The following MMS22L variants were observed in gnomAD, a reference collection of about 807,000 sequenced individuals.
MMS22L encodes protein MMS22-like.
In MMS22L, 74 loss-of-function variants were observed where a neutral mutation model predicts 159.1. The ratio of observed to expected loss-of-function variants is 0.47; its 90% CI spans 0.39 to 0.56. The LOEUF is 0.56. MMS22L is among the 20% of genes least tolerant of loss of function. The pLI is 0.00. For synonymous variants in MMS22L, 517 were observed against 506.9 expected (o/e 1.02, Z -0.27); for missense variants, 1,351 against 1,422.1 (o/e 0.95, Z 0.80).
intron 22 of MMS22L, among the ~76,000 whole-genome samples, chr6:97,155,023 C>G (rs1398802578): frequency 6.6e-6 from 1 of 152,140 alleles, no homozygotes; most frequent in Non-Finnish European, 1.5e-5. Flanking sequence ...GCTGTTTGCA[C>G]AACTATCTTT....
intron 14 of MMS22L, among the ~76,000 whole-genome samples, chr6:97,222,503 CTT>C (rs1809761641): frequency 6.6e-6 from 1 of 151,974 alleles, no homozygotes; most frequent in South Asian, 2.1e-4. Context: ...AAACTAGTCT[CTT>C]GTTTAATACA....
intron 11 of MMS22L, among the ~76,000 whole-genome samples, chr6:97,242,093 C>A (rs1218586706): frequency 6.6e-6 from 1 of 152,128 alleles, no homozygotes; most frequent in East Asian, 1.9e-4. Flanking sequence ...GTAGAATGTT[C>A]TGTAAATATC....
At chr6:97,146,976 C>T in intron 24 of MMS22L, 89 bp from the exon 25 acceptor site, 1 of 801,914 alleles carries the variant, frequency 1.2e-6, no homozygotes, top group Non-Finnish European at 2.0e-6. Context: ...TGCCCATCAT[C>T]CATCCATCCA....
chr6:97,222,140 A>C (rs2127981201), intron 14 of MMS22L, among the ~76,000 whole-genome samples: 1 of 152,114 alleles, frequency 6.6e-6, no homozygotes, highest in Admixed American at 6.5e-5. Context: ...AAAACCAAAA[A>C]TCTTTGGGGA....
At chr6:97,206,015 A>G (rs1011975138) in intron 14 of MMS22L, among the ~76,000 whole-genome samples, 1 of 152,162 alleles carries the variant, frequency 6.6e-6, no homozygotes, top group Non-Finnish European at 1.5e-5. Flanking sequence ...TTTAAGCACC[A>G]AGGATAGAAT....
Position 97,281,240 on chromosome 6 carries a change from A to G in MMS22L, c.287T>C (p.Phe96Ser). The G allele has an allele frequency of 1.2e-6, 2 of 1,601,866 alleles. No homozygotes were observed. ...GAAAGTTATAACGAAGAAATACCTG[A>G]ATAAATGAAAGAGTTCTCTAGATGA... ...VNSSRELFHL[F>S]RQQLYNLETL... Residue 96 changes from phenylalanine to serine, a missense_variant, in exon 3 of 25, where the codon TTC becomes TCC. Physicochemically the swap from Phe to Ser is radical, Grantham distance 155. Transcript: ENST00000683635.
rs897670616 is a variant in MMS22L, at chr6:97,184,351, T to C, written c.2233+2146A>G. Reference sequence around the variant, plus strand: ...TCATCCATACTTGCTCTATGGGTGATCTCATCCAGTTTCATGGTTTTAAAG... The same window carrying C: ...TCATCCATACTTGCTCTATGGGTGACCTCATCCAGTTTCATGGTTTTAAAG... On this transcript the variant is annotated intron_variant, in intron 15 of 24. Coordinates refer to ENST00000683635, the MANE Select transcript of MMS22L (RefSeq NM_001350599.2). 8.5e-5 allele frequency among the ~76,000 whole-genome samples: 13 copies of C among 152,240 alleles called. No homozygotes were observed. In the East Asian group the frequency reaches 9.7e-4, roughly 11 times the overall value.
chr6:97,231,451 G>A lies in MMS22L; in HGVS notation c.1504C>T (p.His502Tyr), dbSNP rs1387917992. 6.2e-7 allele frequency: 1 copy of A among 1,613,362 alleles called. No homozygotes were observed. Among genetic ancestry groups the A allele is most frequent in the Non-Finnish European group, 8.5e-7 (1 of 1,179,644 alleles). ...CTTCCTTTGACTTGTTTCCAAGGAT[G>A]AGGGCCATTGCTCTTCATTGCTTTT... The part of the protein sequence containing the change: ...VKKAMKSNGP[H>Y]PWKQVKGRIY... The change falls in exon 13 of 25, where the codon CAT becomes TAT. Residue 502 changes from histidine (H) to tyrosine (Y), a missense_variant. By Grantham distance (83) the His-to-Tyr change is moderately conservative (BLOSUM62 2). Coordinates refer to ENST00000683635, the MANE Select transcript of MMS22L (RefSeq NM_001350599.2).
At chr6:97,279,439 G>A (rs142958420) in intron 3 of MMS22L, among the ~76,000 whole-genome samples, 5 of 151,628 alleles carry the variant, frequency 3.3e-5, no homozygotes, top group Middle Eastern at 3.4e-3. Flanking sequence ...AGCAGAGATC[G>A]CACCACTGCA....
intron 8 of MMS22L, chr6:97,266,739 C>T (rs780181082): frequency 2.6e-5 from 4 of 152,040 alleles, no homozygotes; most frequent in Non-Finnish European, 5.9e-5. Context: ...ATAAGCCAGG[C>T]ACAGAAAGAC....
chr6:97,248,202 C>A (rs906898751), intron 10 of MMS22L, among the ~76,000 whole-genome samples: 20 of 152,222 alleles, frequency 1.3e-4, no homozygotes, highest in African/African-American at 4.8e-4. Flanking sequence ...ATATTGTGAA[C>A]AGCACATATG....
rs553617868 is a variant in MMS22L, at chr6:97,227,724, G to A, written c.2039+1170C>T. ...GTAATATGATATTAGGAGGAGGGAAGCAGTCTGTTTATCTTTGGACATGAT... is the reference window on the plus strand; with the variant it reads ...GTAATATGATATTAGGAGGAGGGAAACAGTCTGTTTATCTTTGGACATGAT... On this transcript the variant is annotated intron_variant, in intron 14 of 24. Transcript: ENST00000683635. Among the ~76,000 whole-genome samples the A allele has an allele frequency of 3.3e-5, 5 of 152,342 alleles. No individual in the cohort carries two copies. In the South Asian group the frequency reaches 1.0e-3, roughly 32 times the overall value.
chr6:97,219,469 G>C (rs561437643), intron 14 of MMS22L, among the ~76,000 whole-genome samples: 63 of 151,896 alleles, frequency 4.1e-4, no homozygotes, highest in Middle Eastern at 3.4e-3. Context: ...ATATATAGCT[G>C]GTGTTACAGA....
At chr6:97,238,427 T>G (rs1363215479) in intron 11 of MMS22L, among the ~76,000 whole-genome samples, 1 of 152,194 alleles carries the variant, frequency 6.6e-6, no homozygotes, top group Non-Finnish European at 1.5e-5. Context: ...TGTAATTCCA[T>G]GCCCTCTGAT....
rs557566834 is a variant in MMS22L at position 97,179,316 on chromosome 6, T to C, written c.2536+92A>G. On this transcript the variant is annotated intron_variant, in intron 17 of 24. Transcript: ENST00000683635. ...CATACCCAATTACGAATATTTTGTA[T>C]ATTTTCTATTAATTACATAACAAAT... The C allele has an allele frequency of 8.2e-5, 89 of 1,085,798 alleles. 2 individuals are homozygous for C. The highest frequency in any genetic ancestry group is 2.8e-4 in the Admixed American group (11 of 39,344). 67.3% of individuals were successfully genotyped at this position (1,085,798 alleles called of 1,614,324 possible).
At chr6:97,204,379 T>TA (rs1314828355) in intron 14 of MMS22L, among the ~76,000 whole-genome samples, 2 of 152,148 alleles carry the variant, frequency 1.3e-5, no homozygotes, top group African/African-American at 2.4e-5. Flanking sequence ...ACTGGATGTA[T>TA]AATGGACACT....
intron 19 of MMS22L, among the ~76,000 whole-genome samples, 184 bp downstream of exon 19, chr6:97,172,875 GAGAT>G (rs1353048459): frequency 1.3e-5 from 2 of 152,100 alleles, no homozygotes; most frequent in African/African-American, 4.8e-5. Context: ...GTATTGAAAA[GAGAT>G]AGAGCAAGAC....
At position 97,272,802 on chromosome 6, in the gene MMS22L, A is replaced by G. The variant is rs1438761161; in HGVS notation, c.508T>C (p.Leu170=). ...AGTAATCCATGAAGCTCATCAATCAACACTGAGGGAAGCTGAGCCTCCAAA... is the reference window on the plus strand; with the variant it reads ...AGTAATCCATGAAGCTCATCAATCAGCACTGAGGGAAGCTGAGCCTCCAAA... ...EALEAQLPSV[L]IDELHGLLLY... is the part of the protein sequence containing the mutation. Residue 170 remains leucine (L), a synonymous_variant, in exon 6 of 25, where the codon TTG becomes CTG. Transcript: ENST00000683635. The G allele has an allele frequency of 1.2e-6, 2 of 1,614,054 alleles. No homozygotes were observed. Among genetic ancestry groups the G allele is most frequent in the Non-Finnish European group, 1.7e-6 (2 of 1,179,904 alleles).
At chr6:97,220,574 T>C (rs1338968812) in intron 14 of MMS22L, among the ~76,000 whole-genome samples, 2 of 151,992 alleles carry the variant, frequency 1.3e-5, no homozygotes, top group Non-Finnish European at 2.9e-5. Context: ...ATTAGGCAAG[T>C]AGTATTAATG....
Sources: allele counts gnomAD v4.1 joint callset (sites outside exome capture counted in the v4.1 genomes callset), GRCh38; gene constraint gnomAD v4.1.1; transcripts MANE v1.5; gene names NCBI Gene and HGNC (gene_info 2026-07-23, HGNC 2026-07-21).